COL10A1: variants seen among roughly 807,000 people sequenced by gnomAD.
The protein encoded by COL10A1 is collagen type X alpha 1 chain, also known as collagen alpha-1(X) chain.
COL10A1 carries 10 observed loss-of-function variants against 18.2 expected under a neutral mutation model. That is an observed-to-expected ratio of 0.55 (90% CI 0.34 to 0.93). The LOEUF is 0.93. COL10A1 is among the 40% of genes least tolerant of loss of function. The probability of loss-of-function intolerance (pLI) is 0.02; values close to 1 mark genes in which losing one functional copy is unlikely to be tolerated. For missense variants in COL10A1, 897 were observed against 853.5 expected (o/e 1.05, Z -0.64); for synonymous variants, 330 against 316.6 (o/e 1.04, Z -0.45).
the COL10A1 span, among the ~76,000 whole-genome samples, chr6:116,172,181 T>G: frequency 9.2e-5 from 14 of 152,326 alleles, no homozygotes; most frequent in African/African-American, 3.4e-4. Flanking sequence ...CATGATTTCC[T>G]CATAGAAAGA....
chr6:116,149,973 T>G (rs538224482), intron 1 of COL10A1, among the ~76,000 whole-genome samples: 1 of 152,352 alleles, frequency 6.6e-6, no homozygotes, highest in Admixed American at 6.5e-5. Context: ...TGTACCTTTA[T>G]TCCCTATGAT....
At chr6:116,172,134 T>G in the COL10A1 span, among the ~76,000 whole-genome samples, 1 of 152,216 alleles carries the variant, frequency 6.6e-6, no homozygotes, top group Non-Finnish European at 1.5e-5. Context: ...CCTAACCTGT[T>G]GTAAATTTGT....
the COL10A1 span, among the ~76,000 whole-genome samples, chr6:116,187,971 C>A: frequency 6.6e-6 from 1 of 151,848 alleles, no homozygotes; most frequent in African/African-American, 2.4e-5. Context: ...AGACTTTTAT[C>A]TAGTGTAAAA....
chr6:116,178,084 T>TGC, the COL10A1 span, among the ~76,000 whole-genome samples: 2 of 91,882 alleles, frequency 2.2e-5, no homozygotes, highest in African/African-American at 1.1e-4. Context: ...TGTGTGTGTG[T>TGC]GTGTGCGCGC....
the COL10A1 span, among the ~76,000 whole-genome samples, chr6:116,170,583 T>C: frequency 6.6e-6 from 1 of 152,192 alleles, no homozygotes; most frequent in African/African-American, 2.4e-5. Context: ...TTGGGTTTGT[T>C]TGTTTTAGTC....
chr6:116,145,506 G>A (rs75132832), intron 1 of COL10A1: 4,565 of 358,668 alleles, frequency 0.013, 168 homozygotes, highest in African/African-American at 0.085. Flanking sequence ...AGAGATTAAA[G>A]TGGGTCCTGT....
chr6:116,149,587 A>C (rs1401293861), intron 1 of COL10A1, among the ~76,000 whole-genome samples: 2 of 152,240 alleles, frequency 1.3e-5, no homozygotes, highest in Admixed American at 1.3e-4. Context: ...CCAAAGGATG[A>C]CTGTCGAAAG....
At chr6:116,122,609 A>G (rs1332483127) in intron 2 of COL10A1, among the ~76,000 whole-genome samples, 2 of 152,242 alleles carry the variant, frequency 1.3e-5, no homozygotes, top group African/African-American at 4.8e-5. Flanking sequence ...TTGATTTCAT[A>G]GAGCTGTGAG....
At chr6:116,126,217 A>C (rs773040853), upstream of COL10A1, 1 of 152,168 alleles carries the variant, frequency 6.6e-6, no homozygotes, top group Non-Finnish European at 1.5e-5. Flanking sequence ...CTCCCCTCAA[A>C]GTTGGTAAGC....
At chr6:116,159,806 A>G (rs1041453220), upstream of COL10A1, among the ~76,000 whole-genome samples, 5 of 152,066 alleles carry the variant, frequency 3.3e-5, no homozygotes, top group African/African-American at 9.7e-5. Context: ...AGTCCCCAAT[A>G]TCTATTATTT....
the COL10A1 span, among the ~76,000 whole-genome samples, chr6:116,212,902 T>C: frequency 6.6e-6 from 1 of 152,174 alleles, no homozygotes; most frequent in Non-Finnish European, 1.5e-5. Flanking sequence ...CAAAAGCTTT[T>C]CATGTATTTA....
intron 1 of COL10A1, among the ~76,000 whole-genome samples, chr6:116,140,969 G>T (rs961764862): frequency 6.6e-6 from 1 of 152,084 alleles, no homozygotes; most frequent in African/African-American, 2.4e-5. Flanking sequence ...TTTCTAGGAA[G>T]TATACCTAGG....
intron 1 of COL10A1, among the ~76,000 whole-genome samples, chr6:116,133,489 C>T (rs943273329): frequency 3.3e-5 from 5 of 152,122 alleles, no homozygotes; most frequent in Admixed American, 6.6e-5. Flanking sequence ...GTAGGGTACA[C>T]GAGTACCTGT....
chr6:116,132,953 G>A (rs982999408), intron 1 of COL10A1, among the ~76,000 whole-genome samples: 1 of 152,122 alleles, frequency 6.6e-6, no homozygotes, highest in Non-Finnish European at 1.5e-5. Flanking sequence ...GTGCTTTAGT[G>A]GTTAGATACC....
rs759702623 is a variant in COL10A1, at chr6:116,120,529, G to A, written c.1587C>T (p.Gly529=). ...AVMPEGFIKA[G]QRPSLSGTPL... is the part of the protein sequence containing the mutation. ...GGGTCCCAGAAAGACTGGGCCTTTG[G>A]CCTGCCTTTATAAAACCCTCAGGCA... is the stretch of plus-strand genomic sequence containing the variant. The change falls in exon 3 of 3, where the codon GGC becomes GGT. Residue 529 remains glycine (G), a synonymous_variant. Transcript: ENST00000651968. 5 of 1,614,004 alleles carry A rather than the reference G, an allele frequency of 3.1e-6. No homozygotes were observed. The highest frequency in any genetic ancestry group is 4.2e-6 in the Non-Finnish European group (5 of 1,179,964).
At chr6:116,165,224 C>T in the COL10A1 span, among the ~76,000 whole-genome samples, 1 of 151,468 alleles carries the variant, frequency 6.6e-6, no homozygotes, top group Non-Finnish European at 1.5e-5. Context: ...GATAGGATTT[C>T]CTTTATAGGT....
chr6:116,189,336 G>A, the COL10A1 span, among the ~76,000 whole-genome samples: 2 of 151,690 alleles, frequency 1.3e-5, no homozygotes, highest in African/African-American at 2.4e-5. Context: ...CTCACAACCC[G>A]ATTTGAGACT....
chr6:116,120,523 C>A lies in COL10A1; in HGVS notation c.1593G>T (p.Arg531Ser). The stretch of plus-strand genomic sequence containing the variant: ...CAAGAGGGGTCCCAGAAAGACTGGG[C>A]CTTTGGCCTGCCTTTATAAAACCCT... ...MPEGFIKAGQ[R>S]PSLSGTPLVS... Residue 531 changes from arginine to serine, a missense_variant, in exon 3 of 3, where the codon AGG (arginine) becomes AGT (serine). Transcript: ENST00000651968. The A allele has an allele frequency of 6.2e-7, 1 of 1,614,096 alleles. No homozygotes were observed. Among genetic ancestry groups the A allele is most frequent in the Non-Finnish European group, 8.5e-7 (1 of 1,179,990 alleles).
At chr6:116,151,105 C>T (rs146039155) in intron 1 of COL10A1, among the ~76,000 whole-genome samples, 122 of 152,212 alleles carry the variant, frequency 8.0e-4, no homozygotes, top group African/African-American at 2.8e-3. Flanking sequence ...TTAGAATTTG[C>T]AGCTCCTAAT....
Sources: allele counts gnomAD v4.1 joint callset (sites outside exome capture counted in the v4.1 genomes callset), GRCh38; gene constraint gnomAD v4.1.1; transcripts MANE v1.5; gene names NCBI Gene and HGNC (gene_info 2026-07-23, HGNC 2026-07-21).